The following VPS72 variants were observed in gnomAD, a reference collection of about 807,000 sequenced individuals.
The protein encoded by VPS72 is vacuolar protein sorting-associated protein 72 homolog.
VPS72 carries 27 observed loss-of-function variants against 38.9 expected under a neutral mutation model. The ratio of observed to expected loss-of-function variants is 0.69; its 90% CI spans 0.51 to 0.96. VPS72 has a LOEUF of 0.96. Ranked by LOEUF, VPS72 falls within the 40% of genes least tolerant of loss-of-function variation. The pLI is 0.00. For synonymous variants in VPS72, 173 were observed against 186.3 expected, an observed-to-expected ratio of 0.93 and a Z score of 0.58; for missense variants, 360 against 479.5, an observed-to-expected ratio of 0.75 and a Z score of 2.33.
intron 4 of VPS72, among the ~76,000 whole-genome samples, chr1:151,179,690 T>C (rs1201865859): frequency 6.6e-6 from 1 of 151,620 alleles, no homozygotes; most frequent in East Asian, 2.0e-4. Flanking sequence ...GTCGGGAGTT[T>C]GAGACCAGCC....
rs756084704 is a variant in VPS72 at position 151,176,697 on chromosome 1, G to A, written c.1042C>T (p.Pro348Ser). 4 of 1,614,208 alleles carry A rather than the reference G, an allele frequency of 2.5e-6. No homozygotes were observed. In the East Asian group the frequency reaches 8.9e-5, roughly 36 times the overall value. ...ALGPGPPPPE[P>S]LPGSGPRALR... Reference sequence around the variant, plus strand: ...GCTCGGGGCCCAGAGCCAGGGAGGGGCTCAGGAGGTGGCGGGCCGGGGCCC... The same window carrying A: ...GCTCGGGGCCCAGAGCCAGGGAGGGACTCAGGAGGTGGCGGGCCGGGGCCC... Residue 348 changes from proline (P) to serine (S), a missense_variant, in exon 6 of 6, where the codon CCC (proline) becomes TCC (serine). By Grantham distance (74) the Pro-to-Ser change is moderately conservative. Transcript: ENST00000368892.
At position 151,177,884 on chromosome 1, in the gene VPS72, G is replaced by C; in HGVS notation, c.707+117C>G. The C allele has an allele frequency of 2.5e-6, 3 of 1,213,876 alleles. No individual in the cohort carries two copies. In the East Asian group the frequency reaches 7.1e-5, roughly 29 times the overall value. The allele number at this position is 1,213,876 out of a possible 1,614,324, so 75.2% of individuals were successfully genotyped here. A position where few individuals can be genotyped will look rare whatever the true frequency, so the allele number is the denominator to read the frequency against. ...AAAGAAATTGAGCTGAAGGGAGTTA[G>C]GAATCTGAAAGAAATCTCCAAGTGT... On this transcript the variant is annotated intron_variant, in intron 5 of 5. Transcript: ENST00000368892.
chr1:151,183,412 ACT>A (rs1684280610), intron 4 of VPS72, among the ~76,000 whole-genome samples: 1 of 99,374 alleles, frequency 1.0e-5, no homozygotes, highest in African/African-American at 4.0e-5. Flanking sequence ...ACAGAGTAAG[ACT>A]CTGTCTCAAA....
Position 151,176,783 on chromosome 1 carries a change from A to G in VPS72, c.956T>C (p.Ile319Thr). The G allele has an allele frequency of 6.2e-7, 1 of 1,614,180 alleles. No individual in the cohort carries two copies. ...PYATARAFKI[I>T]REAYKKYITA... is the part of the protein sequence containing the mutation. Reference sequence around the variant, plus strand: ...AATGTACTTCTTGTAAGCCTCACGAATGATCTTGAAGGCTCGAGCAGTGGC... The same window carrying G: ...AATGTACTTCTTGTAAGCCTCACGAGTGATCTTGAAGGCTCGAGCAGTGGC... Residue 319 changes from isoleucine to threonine, a missense_variant, in exon 6 of 6, where the codon ATT becomes ACT. Coordinates refer to ENST00000368892, the MANE Select transcript of VPS72 (RefSeq NM_005997.3).
Position 151,176,592 on chromosome 1 carries a change from G to A in VPS72, c.*52C>T. 2 of 1,581,628 alleles carry A rather than the reference G, an allele frequency of 1.3e-6. No homozygotes were observed. The highest frequency in any genetic ancestry group is 1.2e-5 in the South Asian group (1 of 86,444). On this transcript the variant is annotated 3_prime_UTR_variant, in exon 6 of 6. Transcript: ENST00000368892. ...AGAAGCAGGGAGAAGAAACGGAACA[G>A]CAAGAGCCCCAATCAGGGCAGGAAA... is the stretch of plus-strand genomic sequence containing the variant.
At chr1:151,183,955 C>T (rs759225221) in intron 4 of VPS72, among the ~76,000 whole-genome samples, 105 of 151,726 alleles carry the variant, frequency 6.9e-4, no homozygotes, top group Non-Finnish European at 1.3e-3. Flanking sequence ...AACTCCTGGC[C>T]TCAAGTGATC....
At chr1:151,177,409 G>A (rs1208266964) in intron 5 of VPS72, among the ~76,000 whole-genome samples, 4 of 148,208 alleles carry the variant, frequency 2.7e-5, no homozygotes, top group Admixed American at 6.7e-5. Flanking sequence ...AAAAAGAAAA[G>A]AAAGAAAGAA....
At chr1:151,183,421 C>CAAAA (rs769884773) in intron 4 of VPS72, among the ~76,000 whole-genome samples, 106 of 50,648 alleles carry the variant, frequency 2.1e-3, no homozygotes, top group Non-Finnish European at 2.6e-3. Context: ...GACTCTGTCT[C>CAAAA]AAAAAAAAAA....
chr1:151,184,248 TC>T, intron 4 of VPS72, 68 bp downstream of exon 4: 2 of 1,567,564 alleles, frequency 1.3e-6, no homozygotes, highest in Non-Finnish European at 1.7e-6. Context: ...TCTTTGGTCC[TC>T]CAGGTCTCAT....
At chr1:151,178,722 C>G (rs587694394) in intron 4 of VPS72, among the ~76,000 whole-genome samples, 1 of 152,260 alleles carries the variant, frequency 6.6e-6, no homozygotes, top group Admixed American at 6.5e-5. Flanking sequence ...AACCCTGGGT[C>G]TGCATTCTTA....
chr1:151,182,771 C>G (rs1684267536), intron 4 of VPS72, among the ~76,000 whole-genome samples: 1 of 152,208 alleles, frequency 6.6e-6, no homozygotes, highest in Admixed American at 6.5e-5. Context: ...CTGGGTTTCT[C>G]CAACTCGTTG....
intron 1 of VPS72, among the ~76,000 whole-genome samples, chr1:151,186,760 G>A (rs587749915): frequency 6.6e-6 from 1 of 152,266 alleles, no homozygotes; most frequent in South Asian, 2.1e-4. Flanking sequence ...AAGAAACCTT[G>A]TTAGCCAACT....
intron 1 of VPS72, among the ~76,000 whole-genome samples, chr1:151,188,371 T>G (rs922930116): frequency 6.6e-6 from 1 of 152,188 alleles, no homozygotes; most frequent in Admixed American, 6.5e-5. Context: ...TAATTTCTCT[T>G]GAATCTTTCT....
chr1:151,178,198 A>T, intron 4 of VPS72, 53 bp from the exon 5 acceptor site: 1 of 1,589,058 alleles, frequency 6.3e-7, no homozygotes. Context: ...CCTTTTTCCC[A>T]TATCCCAGTA....
intron 4 of VPS72, among the ~76,000 whole-genome samples, chr1:151,179,133 C>T (rs1337798092): frequency 6.6e-6 from 1 of 151,532 alleles, no homozygotes; most frequent in Admixed American, 6.6e-5. Context: ...AATACAAAAA[C>T]TATCCGGGCG....
intron 4 of VPS72, among the ~76,000 whole-genome samples, chr1:151,183,258 C>A (rs1174609957): frequency 6.6e-6 from 1 of 151,112 alleles, no homozygotes; most frequent in African/African-American, 2.4e-5. Context: ...CCCATCTCAA[C>A]TAAAAATACA....
At chr1:151,186,101 G>T in intron 1 of VPS72, 151 bp from the exon 2 acceptor site, 2 of 962,324 alleles carry the variant, frequency 2.1e-6, no homozygotes, top group Non-Finnish European at 3.0e-6. Context: ...AAACTTTCTA[G>T]CTAATGGCCT....
Position 151,189,065 on chromosome 1 carries a change from G to C in VPS72, c.117+940C>G, listed in dbSNP as rs146288928. On this transcript the variant is annotated intron_variant, in intron 1 of 5. Coordinates refer to ENST00000368892, the MANE Select transcript of VPS72 (RefSeq NM_005997.3). The stretch of plus-strand genomic sequence containing the variant: ...AGGATGGTCTCGATTTCCTGACCTT[G>C]TGATCCACCCGCCTCGGCCTTCCAA... Among the ~76,000 whole-genome samples the C allele has an allele frequency of 2.0e-5, 3 of 152,242 alleles. No homozygotes were observed. The East Asian group carries it at 5.8e-4, about 29-fold the overall frequency.
chr1:151,177,013 C>T lies in VPS72; in HGVS notation c.726G>A (p.Ser242=), dbSNP rs202226618. The T allele has an allele frequency of 3.4e-5, 54 of 1,571,542 alleles. No homozygotes were observed. The Middle Eastern group carries it at 1.9e-3, about 55-fold the overall frequency. ...CAGCATGAGGAGTCAATGCAGACAC[C>T]GAGGGAGCAGGATCAAGTCTGAGGA... ...VDIEGLDPAP[S]VSALTPHAGT... The change falls in exon 6 of 6, where the codon TCG becomes TCA. Residue 242 remains serine (S), a synonymous_variant. Transcript: ENST00000368892.
Sources: allele counts gnomAD v4.1 joint callset (sites outside exome capture counted in the v4.1 genomes callset), GRCh38; gene constraint gnomAD v4.1.1; transcripts MANE v1.5; gene names NCBI Gene and HGNC (gene_info 2026-07-23, HGNC 2026-07-21).